Variants in PRKDC observed in about 807,000 individuals in gnomAD.
PRKDC encodes the protein DNA-dependent protein kinase catalytic subunit.
PRKDC carries 82 observed loss-of-function variants against 486.9 expected under a neutral mutation model. That is an observed-to-expected ratio of 0.17 (90% CI 0.14 to 0.20). The LOEUF (loss-of-function observed/expected upper bound fraction) is 0.20. Among genes scored for constraint, PRKDC ranks in the 10% least tolerant of loss-of-function variants. PRKDC has a pLI of 1.00. For missense variants in PRKDC, 4,504 were observed against 5,038.2 expected (o/e 0.89, Z 3.21); for synonymous variants, 1,895 against 1,837.0 (o/e 1.03, Z -0.81).
At chr8:47,894,738 C>T (rs1228697712) in intron 30 of PRKDC, among the ~76,000 whole-genome samples, 1 of 152,188 alleles carries the variant, frequency 6.6e-6, no homozygotes, top group Non-Finnish European at 1.5e-5. Flanking sequence ...TGCTGCTACA[C>T]AGTGAGCTAA....
intron 50 of PRKDC, among the ~76,000 whole-genome samples, chr8:47,854,619 G>T (rs1168187777): frequency 6.6e-6 from 1 of 152,054 alleles, no homozygotes; most frequent in Admixed American, 6.5e-5. Flanking sequence ...GGATTAAGGC[G>T]TGAGCCACCG....
intron 52 of PRKDC, among the ~76,000 whole-genome samples, chr8:47,850,318 C>T (rs867678546): frequency 3.9e-5 from 6 of 152,196 alleles, no homozygotes; most frequent in Non-Finnish European, 7.3e-5. Flanking sequence ...CTGAGCGCCT[C>T]AAATCTGAAA....
intron 54 of PRKDC, among the ~76,000 whole-genome samples, chr8:47,842,089 G>A (rs1445977013): frequency 6.6e-6 from 1 of 152,092 alleles, no homozygotes; most frequent in Non-Finnish European, 1.5e-5. Context: ...TGGGCCTCTG[G>A]AATGCTGCAG....
chr8:47,939,418 G>A, intron 11 of PRKDC, 133 bp downstream of exon 11: 1 of 1,007,230 alleles, frequency 9.9e-7, no homozygotes, highest in East Asian at 2.5e-5. Flanking sequence ...AGCCTGTGCA[G>A]TTCACGCCCA....
At chr8:47,834,473 C>G (rs2087962780) in intron 58 of PRKDC, 77 bp from the exon 59 acceptor site, 3 of 1,481,352 alleles carry the variant, frequency 2.0e-6, no homozygotes, top group Non-Finnish European at 1.8e-6. Flanking sequence ...CCTGCCAGGA[C>G]ACACCTGGTG....
chr8:47,843,024 G>C (rs2088183653), intron 54 of PRKDC, among the ~76,000 whole-genome samples: 1 of 152,126 alleles, frequency 6.6e-6, no homozygotes, highest in South Asian at 2.1e-4. Context: ...CATTAGCTGG[G>C]CATGGTGGTG....
In PRKDC at chr8:47,800,990, T is replaced by C; in HGVS notation, c.9923-4A>G. On this transcript the variant is annotated splice_polypyrimidine_tract_variant and splice_region_variant and intron_variant, in intron 70 of 85. Coordinates refer to ENST00000314191, the MANE Select transcript of PRKDC (RefSeq NM_006904.7). ...TAGCTTGACACGTTGTTCTCATCTGTTGGATTAAAAAAACAAAACAAAACA... is the reference window on the plus strand; with the variant it reads ...TAGCTTGACACGTTGTTCTCATCTGCTGGATTAAAAAAACAAAACAAAACA... 6.2e-7 allele frequency: 1 copy of C among 1,612,924 alleles called. No homozygotes were observed. Among genetic ancestry groups the C allele is most frequent in the African/African-American group, 1.3e-5 (1 of 75,026 alleles).
Position 47,914,715 on chromosome 8 carries a change from C to G in PRKDC, c.2617+613G>C, listed in dbSNP as rs377764496. Reference sequence around the variant, plus strand: ...ATTCAGGAGCCTGAGGCAGGAGAATCGCTTGAACCTGGGAGGCGGAGGTTG... The same window carrying G: ...ATTCAGGAGCCTGAGGCAGGAGAATGGCTTGAACCTGGGAGGCGGAGGTTG... On this transcript the variant is annotated intron_variant, in intron 23 of 85. Transcript: ENST00000314191. 9.3e-5 allele frequency among the ~76,000 whole-genome samples: 14 copies of G among 151,324 alleles called. No individual in the cohort carries two copies. The East Asian group carries it at 9.7e-4, about 10-fold the overall frequency.
chr8:47,848,345 A>G (rs1238934454), intron 54 of PRKDC, among the ~76,000 whole-genome samples: 1 of 152,248 alleles, frequency 6.6e-6, no homozygotes, highest in Non-Finnish European at 1.5e-5. Context: ...ACATGGATGC[A>G]GCTGGAGGCC....
At chr8:47,885,792 T>C (rs887786183) in intron 36 of PRKDC, among the ~76,000 whole-genome samples, 152 bp downstream of exon 36, 7 of 152,102 alleles carry the variant, frequency 4.6e-5, no homozygotes, top group Non-Finnish European at 1.0e-4. Context: ...CTCGGGAGGC[T>C]GAGGCAGGAG....
At chr8:47,790,634 G>A (rs1436412057) in intron 74 of PRKDC, among the ~76,000 whole-genome samples, 1 of 152,096 alleles carries the variant, frequency 6.6e-6, no homozygotes, top group African/African-American at 2.4e-5. Context: ...AATAAAACTG[G>A]CACAATCACA....
At chr8:47,870,131 C>T (rs2088916308) in intron 40 of PRKDC, among the ~76,000 whole-genome samples, 1 of 152,164 alleles carries the variant, frequency 6.6e-6, no homozygotes, top group Admixed American at 6.5e-5. Flanking sequence ...GGAAAGAACA[C>T]AAGACTGGCT....
At chr8:47,848,769 G>A (rs1325091462) in intron 54 of PRKDC, among the ~76,000 whole-genome samples, 1 of 151,906 alleles carries the variant, frequency 6.6e-6, no homozygotes, top group African/African-American at 2.4e-5. Context: ...ATACTTTTAT[G>A]TTATGTTGCA....
chr8:47,779,837 C>T (rs189529846), intron 80 of PRKDC, among the ~76,000 whole-genome samples: 1 of 152,066 alleles, frequency 6.6e-6, no homozygotes, highest in East Asian at 1.9e-4. Context: ...ATCCGCCCGC[C>T]TCGGCCTCCC....
At chr8:47,786,263 T>C (rs1462410811) in intron 76 of PRKDC, among the ~76,000 whole-genome samples, 1 of 151,422 alleles carries the variant, frequency 6.6e-6, no homozygotes, top group Non-Finnish European at 1.5e-5. Context: ...ATAAAAAAAA[T>C]TAGCCAAGCG....
Position 47,858,893 on chromosome 8 carries a change from C to T in PRKDC, c.6301G>A (p.Val2101Ile). The change falls in exon 47 of 86, where the codon GTC (valine) becomes ATC (isoleucine). Residue 2101 changes from valine (V) to isoleucine (I), a missense_variant. Physicochemically the swap from Val to Ile is conservative, Grantham distance 29. Around this residue, in one of 6 missense-constraint regions of PRKDC, gnomAD observed 1,592 missense variants for 1,724.6 expected, o/e 0.92. Coordinates refer to ENST00000314191, the MANE Select transcript of PRKDC (RefSeq NM_006904.7). Reference protein sequence around the residue: ...HECMAPLTALVKHMHRSLGPP... With the variant: ...HECMAPLTALIKHMHRSLGPP... ...CCCAGGCTTCTGTGCATGTGCTTGA[C>T]CAGGGCCGTCAGGGGCGCCATGCAC... 6.2e-7 allele frequency: 1 copy of T among 1,613,844 alleles called. No individual in the cohort carries two copies. The highest frequency in any genetic ancestry group is 1.3e-5 in the African/African-American group (1 of 75,010).
Position 47,953,663 on chromosome 8 carries a change from C to G in PRKDC, c.678G>C (p.Gly226=). 1 of 1,613,582 alleles carries G rather than the reference C, an allele frequency of 6.2e-7. No individual in the cohort carries two copies. Among genetic ancestry groups the G allele is most frequent in the Non-Finnish European group, 8.5e-7 (1 of 1,179,754 alleles). ...KLPVLAGCLK[G]LSSLLCNFTK... The stretch of plus-strand genomic sequence containing the variant: ...TGAAGTTGCACAGAAGTGAGGACAA[C>G]CCCTTCAGACATCCTGCCAGAACAG... Residue 226 remains glycine (G), a synonymous_variant, in exon 7 of 86, where the codon GGG becomes GGC. Transcript: ENST00000314191.
rs746155433 is a variant in PRKDC at position 47,939,717 on chromosome 8, ATT to A, written c.967-22_967-21del. The A allele has an allele frequency of 6.5e-7, 1 of 1,536,396 alleles. No individual in the cohort carries two copies. Among genetic ancestry groups the A allele is most frequent in the Non-Finnish European group, 8.8e-7 (1 of 1,134,822 alleles). On this transcript the variant is annotated intron_variant, in intron 10 of 85. Transcript: ENST00000314191. ...AGAAACCTGCAAATACATAATATTT[ATT>A]TTTTTGGAAATATTTAATAGCAATG...
intron 7 of PRKDC, among the ~76,000 whole-genome samples, chr8:47,945,809 C>T (rs2090523772): frequency 6.6e-6 from 1 of 152,142 alleles, no homozygotes. Context: ...ACAACCTCCA[C>T]TTCCTGGGTT....
Sources: gnomAD v4.1 joint callset for allele counts (sites outside exome capture counted in the v4.1 genomes callset) on GRCh38, gnomAD v4.1.1 for gene constraint, gnomAD v4.1.1 regional missense constraint, MANE v1.5 for transcripts, NCBI Gene and HGNC (gene_info 2026-07-23, HGNC 2026-07-21) for gene names.